The following ECE1 variants were observed in gnomAD, a reference collection of about 807,000 sequenced individuals.
ECE1 encodes endothelin-converting enzyme 1.
In ECE1, 35 loss-of-function variants were observed where a neutral mutation model predicts 98.6. The observed-to-expected ratio is 0.35, with a 90% CI of 0.27 to 0.47. The LOEUF is 0.47. ECE1 is among the 20% of genes least tolerant of loss of function. The probability of loss-of-function intolerance (pLI) is 1.00; values close to 1 mark genes in which losing one functional copy is unlikely to be tolerated. For missense variants in ECE1, 814 were observed against 1,025.3 expected (o/e 0.79, Z 2.81); for synonymous variants, 394 against 407.1 (o/e 0.97, Z 0.39).
intron 3 of ECE1, 54 bp downstream of exon 3, chr1:21,279,113 GGAAGCCCCCCTCGCCCGAGCTGAC>G (rs2098251168): frequency 6.2e-7 from 1 of 1,611,966 alleles, no homozygotes; most frequent in Non-Finnish European, 8.5e-7. Flanking sequence ...GCTTAAGCAG[GGAAGCCCCCCTCGCCCGAGCTGAC>G]GGAGCCGGGT....
chr1:21,282,953 T>A (rs2098256562), intron 2 of ECE1, among the ~76,000 whole-genome samples: 1 of 149,434 alleles, frequency 6.7e-6, no homozygotes, highest in Non-Finnish European at 1.5e-5. Flanking sequence ...TTTTTTTTTT[T>A]TTTTTTGAGA....
intron 2 of ECE1, among the ~76,000 whole-genome samples, chr1:21,288,553 C>T (rs2098263072): frequency 6.6e-6 from 1 of 152,216 alleles, no homozygotes; most frequent in African/African-American, 2.4e-5. Flanking sequence ...ATACCCCAAA[C>T]AGGCTGCTGT....
chr1:21,283,419 C>T (rs573537729), intron 2 of ECE1, among the ~76,000 whole-genome samples: 6 of 151,944 alleles, frequency 3.9e-5, no homozygotes, highest in South Asian at 2.1e-4. Flanking sequence ...TACAGGTGTC[C>T]GCCACCACGC....
At chr1:21,239,968 CA>C (rs1278956642) in intron 10 of ECE1, among the ~76,000 whole-genome samples, 1 of 151,896 alleles carries the variant, frequency 6.6e-6, no homozygotes, top group Non-Finnish European at 1.5e-5. Flanking sequence ...GTCAGGAGTT[CA>C]AGACCAGCCT....
chr1:21,238,729 GA>G (rs886785123), intron 10 of ECE1, among the ~76,000 whole-genome samples: 1 of 152,316 alleles, frequency 6.6e-6, no homozygotes, highest in Admixed American at 6.5e-5. Context: ...CTGAGTCACA[GA>G]AAAAACTGCC....
chr1:21,330,736 T>G (rs567292583), intron 1 of ECE1, among the ~76,000 whole-genome samples: 1 of 152,280 alleles, frequency 6.6e-6, no homozygotes, highest in South Asian at 2.1e-4. Context: ...TAATCCTTCT[T>G]CCTCCCCCTG....
rs968922357 is a variant in ECE1, at chr1:21,233,238, G to A, written c.1670+320C>T. 5 of 294,450 alleles carry A rather than the reference G, an allele frequency of 1.7e-5. 1 individual carries two copies. The highest frequency in any genetic ancestry group is 7.7e-5 in the South Asian group (2 of 25,962). The allele number at this position is 294,450 out of a possible 1,614,324, so 18.2% of individuals were successfully genotyped here. A position where few individuals can be genotyped will look rare whatever the true frequency, so the allele number is the denominator to read the frequency against. ...ACCAGCTCCTCCCATCCTATTCTGC[G>A]GAAAATGAAATGAAGGCTCCAAATC... is the stretch of plus-strand genomic sequence containing the variant. On this transcript the variant is annotated intron_variant, in intron 14 of 18. Transcript: ENST00000374893. The surrounding 1 kb of genome is among the most constrained non-coding windows in gnomAD (Gnocchi z 4.0).
intron 17 of ECE1, 36 bp from the exon 18 acceptor site, chr1:21,221,878 A>G: frequency 6.3e-7 from 1 of 1,598,954 alleles, no homozygotes; most frequent in Non-Finnish European, 8.6e-7. Context: ...AGGGGTTCCC[A>G]TGGCAGGTGG....
chr1:21,236,874 T>C, intron 11 of ECE1, 30 bp from the exon 12 acceptor site: 1 of 1,588,592 alleles, frequency 6.3e-7, no homozygotes, highest in Admixed American at 1.7e-5. Context: ...AGCAGTAAGG[T>C]CTGCGCACTG....
At chr1:21,266,999 G>C (rs1180979730) in intron 4 of ECE1, 1 of 152,218 alleles carries the variant, frequency 6.6e-6, no homozygotes, top group Non-Finnish European at 1.5e-5. Context: ...TAATCCTTAA[G>C]GAGCAGTTTT....
intron 4 of ECE1, among the ~76,000 whole-genome samples, chr1:21,264,397 C>T (rs1371217472): frequency 6.6e-6 from 1 of 151,558 alleles, no homozygotes. Flanking sequence ...TCACTGCAAC[C>T]TCCGTCTCCT....
intron 14 of ECE1, among the ~76,000 whole-genome samples, chr1:21,232,288 GTT>G (rs1179108389): frequency 6.8e-6 from 1 of 147,612 alleles, no homozygotes; most frequent in African/African-American, 2.5e-5. Flanking sequence ...TGAGGAGACA[GTT>G]TTTTTTTTTC....
rs1277711728 is a variant in ECE1 at position 21,219,795 on chromosome 1, G to C, written c.*160C>G. The C allele has an allele frequency of 1.1e-6, 1 of 887,652 alleles. No homozygotes were observed. The highest frequency in any genetic ancestry group is 1.8e-6 in the Non-Finnish European group (1 of 566,792). 55.0% of individuals were successfully genotyped at this position (887,652 alleles called of 1,614,324 possible). ...AGGGGATCAGACTGCGGGTCACGTT[G>C]AGAGCCAACACCATGGGCTCGGTTC... On this transcript the variant is annotated 3_prime_UTR_variant, in exon 19 of 19. Transcript: ENST00000374893. The surrounding 1 kb of genome is among the most constrained non-coding windows in gnomAD (Gnocchi z 4.5).
rs781769197 is a variant in ECE1 at position 21,258,658 on chromosome 1, G to A, written c.762+35C>T. 17 of 1,374,770 alleles carry A rather than the reference G, an allele frequency of 1.2e-5. No individual in the cohort carries two copies. Among genetic ancestry groups the A allele is most frequent in the Admixed American group, 3.8e-5 (2 of 52,336 alleles). The allele number at this position is 1,374,770 out of a possible 1,614,324, so 85.2% of individuals were successfully genotyped here. On this transcript the variant is annotated intron_variant, in intron 6 of 18. Transcript: ENST00000374893. The surrounding 1 kb of genome is among the most constrained non-coding windows in gnomAD (Gnocchi z 4.2). The stretch of plus-strand genomic sequence containing the variant: ...CTCAAAACAGGAAGAGGTCGTGCCC[G>A]CCCCCTCGACCGCTGCAGGTTCAAG...
At chr1:21,274,732 G>A (rs889053417) in intron 3 of ECE1, among the ~76,000 whole-genome samples, 2 of 152,156 alleles carry the variant, frequency 1.3e-5, no homozygotes, top group Non-Finnish European at 2.9e-5. Context: ...GCTGACAAAG[G>A]GCTCAGAGCA....
In ECE1 at chr1:21,219,899, G is replaced by C; in HGVS notation, c.*56C>G. Reference sequence around the variant, plus strand: ...TGAGCAATGCCCTGGAGGCTGGATGGGGGTCTCGTCCTCAGCCCCTTCCCC... The same window carrying C: ...TGAGCAATGCCCTGGAGGCTGGATGCGGGTCTCGTCCTCAGCCCCTTCCCC... On this transcript the variant is annotated 3_prime_UTR_variant, in exon 19 of 19. Coordinates refer to ENST00000374893, the MANE Select transcript of ECE1 (RefSeq NM_001397.3). This position sits in a 1 kb window ranked among gnomAD's most constrained non-coding sequence, Gnocchi z 4.5. The C allele has an allele frequency of 6.2e-7, 1 of 1,605,724 alleles. No individual in the cohort carries two copies. The highest frequency in any genetic ancestry group is 8.5e-7 in the Non-Finnish European group (1 of 1,175,708).
intron 10 of ECE1, chr1:21,238,481 C>A: frequency 1.7e-6 from 1 of 581,532 alleles, no homozygotes; most frequent in Non-Finnish European, 3.1e-6. Flanking sequence ...AAATAGTGTC[C>A]CGTTGAGCCA....
At chr1:21,262,763 C>T (rs527499456) in intron 4 of ECE1, among the ~76,000 whole-genome samples, 6 of 152,378 alleles carry the variant, frequency 3.9e-5, no homozygotes, top group Admixed American at 3.9e-4. Context: ...CAGACACAGC[C>T]TCCCTTGCTC....
At chr1:21,226,406 C>G (rs1322915647) in intron 16 of ECE1, among the ~76,000 whole-genome samples, 1 of 152,180 alleles carries the variant, frequency 6.6e-6, no homozygotes, top group Non-Finnish European at 1.5e-5. Context: ...GGAGAAATGA[C>G]AGCGCTTGCT....
Sources: gnomAD v4.1 joint callset for allele counts (sites outside exome capture counted in the v4.1 genomes callset) on GRCh38, gnomAD v4.1.1 for gene constraint, Gnocchi (gnomAD v3.1) non-coding constraint, MANE v1.5 for transcripts, NCBI Gene and HGNC (gene_info 2026-07-23, HGNC 2026-07-21) for gene names.